Variants in KSR2 observed in about 807,000 individuals in gnomAD.
The protein encoded by KSR2 is kinase suppressor of ras 2.
KSR2 carries 25 observed loss-of-function variants against 107.8 expected under a neutral mutation model. The observed-to-expected ratio is 0.23, with a 90% CI of 0.17 to 0.32. The LOEUF is 0.32. Ranked by LOEUF, KSR2 falls within the 10% of genes least tolerant of loss-of-function variation. The pLI is 1.00. For synonymous variants in KSR2, 480 were observed against 507.0 expected (o/e 0.95, Z 0.71); for missense variants, 887 against 1,268.9 (o/e 0.70, Z 4.57).
intron 4 of KSR2, among the ~76,000 whole-genome samples, chr12:117,753,081 G>C (rs1250087105): frequency 2.0e-5 from 3 of 152,188 alleles, no homozygotes; most frequent in African/African-American, 7.2e-5. Flanking sequence ...GAAAACAAAG[G>C]CTGATAAGAA....
chr12:117,471,158 A>G (rs748198474), intron 18 of KSR2, 33 bp downstream of exon 18: 9 of 1,610,286 alleles, frequency 5.6e-6, no homozygotes, highest in South Asian at 1.1e-5. Context: ...GTCTCCCCTC[A>G]TCCCCCAAGT....
intron 5 of KSR2, among the ~76,000 whole-genome samples, chr12:117,645,123 T>C (rs1310813195): frequency 1.3e-5 from 2 of 152,140 alleles, no homozygotes; most frequent in African/African-American, 2.4e-5. Context: ...CACTTAGAAC[T>C]GTGAAGATGG....
At chr12:117,797,930 C>T (rs929712110) in intron 3 of KSR2, among the ~76,000 whole-genome samples, 2 of 152,140 alleles carry the variant, frequency 1.3e-5, no homozygotes, top group Admixed American at 1.3e-4. Flanking sequence ...GGATTACAGA[C>T]ATGAACCACC....
intron 14 of KSR2, among the ~76,000 whole-genome samples, chr12:117,492,410 C>T (rs1447493523): frequency 7.8e-6 from 1 of 128,922 alleles, no homozygotes; most frequent in Admixed American, 7.1e-5. Context: ...CGCTTCAGCA[C>T]CAAGCCCAGG....
chr12:117,776,540 C>T (rs181583662), intron 3 of KSR2, among the ~76,000 whole-genome samples: 1 of 152,258 alleles, frequency 6.6e-6, no homozygotes, highest in East Asian at 1.9e-4. Context: ...CTCAATAACC[C>T]TTTTCAAGTA....
At chr12:117,933,230 T>C (rs1895742785) in intron 1 of KSR2, among the ~76,000 whole-genome samples, 1 of 152,166 alleles carries the variant, frequency 6.6e-6, no homozygotes, top group South Asian at 2.1e-4. Flanking sequence ...GAATGTCAGA[T>C]AAACAACAAA....
intron 3 of KSR2, among the ~76,000 whole-genome samples, chr12:117,794,179 C>G (rs1566018741): frequency 8.0e-6 from 1 of 124,960 alleles, no homozygotes; most frequent in African/African-American, 3.1e-5. Flanking sequence ...TGCGCACACA[C>G]CAACATGCAC....
chr12:117,509,812 T>G (rs1464975303), intron 14 of KSR2, among the ~76,000 whole-genome samples: 1 of 152,178 alleles, frequency 6.6e-6, no homozygotes, highest in Non-Finnish European at 1.5e-5. Flanking sequence ...CTTCTCGAGG[T>G]TCCTCTCAGT....
chr12:117,900,809 A>C (rs531596001), intron 1 of KSR2, among the ~76,000 whole-genome samples: 1 of 152,336 alleles, frequency 6.6e-6, no homozygotes, highest in Non-Finnish European at 1.5e-5. Context: ...AAAAGCAAGC[A>C]TGACGTGTAA....
intron 1 of KSR2, among the ~76,000 whole-genome samples, chr12:117,935,054 C>T (rs993608633): frequency 1.3e-5 from 2 of 151,948 alleles, no homozygotes; most frequent in African/African-American, 4.8e-5. Flanking sequence ...TCTCAAACTC[C>T]TGGGTTCAAG....
intron 5 of KSR2, among the ~76,000 whole-genome samples, chr12:117,639,869 T>C (rs1883281004): frequency 6.6e-6 from 1 of 152,044 alleles, no homozygotes; most frequent in Admixed American, 6.5e-5. Context: ...TCTGCCAGCC[T>C]GGGCTGCTAG....
intron 4 of KSR2, among the ~76,000 whole-genome samples, chr12:117,717,449 G>A (rs1887027369): frequency 6.6e-6 from 1 of 151,992 alleles, no homozygotes; most frequent in Non-Finnish European, 1.5e-5. Context: ...AGCCCAGGAG[G>A]TCAAGGCTGC....
chr12:117,942,144 C>CAT (rs1896029917), intron 1 of KSR2, among the ~76,000 whole-genome samples: 1 of 152,162 alleles, frequency 6.6e-6, no homozygotes. Flanking sequence ...TTAATACAAG[C>CAT]ATACAATGTG....
intron 1 of KSR2, among the ~76,000 whole-genome samples, chr12:117,882,831 A>G (rs1476453073): frequency 1.3e-5 from 2 of 151,706 alleles, no homozygotes; most frequent in African/African-American, 4.8e-5. Flanking sequence ...CCATCTATTC[A>G]TTTATTCATC....
At position 117,793,611 on chromosome 12, in the gene KSR2, ACT is replaced by A. The variant is rs371350532; in HGVS notation, c.473-32089_473-32088del. 2.0e-3 allele frequency among the ~76,000 whole-genome samples: 291 copies of A among 142,978 alleles called. 2 individuals are homozygous for A. Among genetic ancestry groups the A allele is most frequent in the African/African-American group, 7.2e-3 (279 of 38,784 alleles). 93.8% of individuals were successfully genotyped at this position (142,978 alleles called of 152,430 possible). ...TATGCACACATACACCAACATGCAC[ACT>A]CACACCAACATGCACACTTATCCCA... On this transcript the variant is annotated intron_variant, in intron 3 of 19. Coordinates refer to ENST00000339824, the MANE Select transcript of KSR2 (RefSeq NM_173598.6).
At chr12:117,861,440 G>C (rs1162040229) in intron 1 of KSR2, among the ~76,000 whole-genome samples, 1 of 134,302 alleles carries the variant, frequency 7.4e-6, no homozygotes, top group Non-Finnish European at 1.5e-5. Context: ...CCAGGCTGGA[G>C]TGCAGTGGCG....
In KSR2 at chr12:117,947,200, G is replaced by GAAAAGA. The variant is rs748350410; in HGVS notation, c.180+20875_180+20876insTCTTTT. The stretch of plus-strand genomic sequence containing the variant: ...AAAGAAAGAAAGAAAAGAAAGAAAA[G>GAAAAGA]AAAGAAAAGAAAGAAAGAAAGAAAG... On this transcript the variant is annotated intron_variant, in intron 1 of 19. Transcript: ENST00000339824. Among the ~76,000 whole-genome samples the GAAAAGA allele has an allele frequency of 2.2e-4, 13 of 59,476 alleles. No homozygotes were observed. The East Asian group carries it at 3.0e-3, about 14-fold the overall frequency. 39.0% of individuals were successfully genotyped at this position (59,476 alleles called of 152,430 possible).
At chr12:117,816,774 A>C (rs1259671589) in intron 3 of KSR2, among the ~76,000 whole-genome samples, 1 of 152,170 alleles carries the variant, frequency 6.6e-6, no homozygotes, top group Non-Finnish European at 1.5e-5. Context: ...TATTTTGGTT[A>C]ATTCACACAA....
chr12:117,906,735 CT>C (rs1186827462), intron 1 of KSR2, among the ~76,000 whole-genome samples: 2 of 152,134 alleles, frequency 1.3e-5, no homozygotes, highest in Non-Finnish European at 2.9e-5. Flanking sequence ...ATCAAATCCC[CT>C]GGAAGGCTTG....
Sources: gnomAD v4.1 joint callset for allele counts (sites outside exome capture counted in the v4.1 genomes callset) on GRCh38, gnomAD v4.1.1 for gene constraint, MANE v1.5 for transcripts, NCBI Gene and HGNC (gene_info 2026-07-23, HGNC 2026-07-21) for gene names.